ANO6: variants seen among roughly 807,000 people sequenced by gnomAD.
The protein encoded by ANO6 is anoctamin 6.
Under a neutral mutation model 117.5 loss-of-function variants are expected in ANO6, and 106 were observed. The ratio of observed to expected loss-of-function variants is 0.90; its 90% CI spans 0.77 to 1.06. The LOEUF is 1.06. Ranked by LOEUF, ANO6 falls within the 50% of genes least tolerant of loss-of-function variation. The pLI is 0.00. For missense variants in ANO6, 955 were observed against 1,121.1 expected (o/e 0.85, Z 2.12); for synonymous variants, 367 against 385.1 (o/e 0.95, Z 0.55).
At chr12:45,404,048 G>A (rs980462004) in intron 15 of ANO6, among the ~76,000 whole-genome samples, 8 of 151,976 alleles carry the variant, frequency 5.3e-5, no homozygotes, top group Non-Finnish European at 1.2e-4. Flanking sequence ...GTTTAAAGAG[G>A]TTAAATGATT....
At chr12:45,233,155 C>T (rs982003042) in intron 1 of ANO6, among the ~76,000 whole-genome samples, 1 of 152,086 alleles carries the variant, frequency 6.6e-6, no homozygotes, top group Non-Finnish European at 1.5e-5. Flanking sequence ...CAACCAAGCA[C>T]GTAGGGCATG....
chr12:45,271,318 T>C (rs999886355), intron 1 of ANO6, among the ~76,000 whole-genome samples: 1 of 152,224 alleles, frequency 6.6e-6, no homozygotes, highest in Admixed American at 6.5e-5. Flanking sequence ...TGCTATTTTA[T>C]AAATATACAT....
chr12:45,324,224 C>T (rs375263694), intron 2 of ANO6, among the ~76,000 whole-genome samples: 3 of 152,248 alleles, frequency 2.0e-5, no homozygotes, highest in Admixed American at 6.5e-5. Flanking sequence ...TGAGTCACCA[C>T]GCTTGGCCTG....
chr12:45,414,569 G>T (rs12812732), intron 16 of ANO6, among the ~76,000 whole-genome samples: 19,497 of 151,792 alleles, frequency 0.13, 1,764 homozygotes, highest in East Asian at 0.36. Flanking sequence ...ATTCACCCTG[G>T]TTAATTCATA....
At chr12:45,251,718 C>T (rs1307364255) in intron 1 of ANO6, among the ~76,000 whole-genome samples, 1 of 152,158 alleles carries the variant, frequency 6.6e-6, no homozygotes, top group Non-Finnish European at 1.5e-5. Context: ...GGGGGAGGGG[C>T]CGTAGCCTCC....
intron 1 of ANO6, among the ~76,000 whole-genome samples, chr12:45,268,328 C>T (rs1439019606): frequency 6.6e-6 from 1 of 152,126 alleles, no homozygotes; most frequent in African/African-American, 2.4e-5. Flanking sequence ...CAAGACCAGC[C>T]TGGCCAACAT....
chr12:45,259,611 C>T (rs1460003276), intron 1 of ANO6, among the ~76,000 whole-genome samples: 3 of 152,208 alleles, frequency 2.0e-5, no homozygotes, highest in Admixed American at 6.5e-5. Flanking sequence ...AATGGCTCTG[C>T]ACACGCTTTT....
At chr12:45,248,630 C>T (rs1282450035) in intron 1 of ANO6, among the ~76,000 whole-genome samples, 1 of 151,970 alleles carries the variant, frequency 6.6e-6, no homozygotes, top group Non-Finnish European at 1.5e-5. Context: ...GATGGGGTTT[C>T]ACCATGCTGG....
intron 1 of ANO6, among the ~76,000 whole-genome samples, chr12:45,298,288 C>T (rs2137296712): frequency 6.6e-6 from 1 of 152,278 alleles, no homozygotes; most frequent in East Asian, 1.9e-4. Context: ...ACTAAAAATA[C>T]ATTTCAACAT....
At chr12:45,278,502 G>T (rs996850283) in intron 1 of ANO6, among the ~76,000 whole-genome samples, 1 of 152,064 alleles carries the variant, frequency 6.6e-6, no homozygotes, top group African/African-American at 2.4e-5. Context: ...AACATTTCCT[G>T]AATTTTATCT....
intron 19 of ANO6, among the ~76,000 whole-genome samples, chr12:45,437,957 T>C (rs1943726585): frequency 6.6e-6 from 1 of 152,202 alleles, no homozygotes; most frequent in African/African-American, 2.4e-5. Context: ...TACATTTAAG[T>C]TGGCTAGTAA....
At chr12:45,254,323 C>G (rs982990568) in intron 1 of ANO6, among the ~76,000 whole-genome samples, 1 of 152,216 alleles carries the variant, frequency 6.6e-6, no homozygotes, top group Non-Finnish European at 1.5e-5. Flanking sequence ...TTGTCCATAC[C>G]TCCTGAAGGT....
chr12:45,414,995 T>A (rs948332149), intron 16 of ANO6, among the ~76,000 whole-genome samples: 6 of 152,110 alleles, frequency 3.9e-5, no homozygotes, highest in Admixed American at 3.9e-4. Context: ...TGGGCTCAAA[T>A]AATCCTCCCG....
intron 3 of ANO6, among the ~76,000 whole-genome samples, chr12:45,333,144 G>C (rs1226240934): frequency 6.6e-6 from 1 of 151,830 alleles, no homozygotes; most frequent in African/African-American, 2.4e-5. Context: ...TTATGGTTAA[G>C]ATTAAATAAA....
rs1947308181 is a variant in ANO6, at chr12:45,216,269, AC to A, written c.-50del. 3 of 1,564,780 alleles carry A rather than the reference AC, an allele frequency of 1.9e-6. No homozygotes were observed. The highest frequency in any genetic ancestry group is 2.6e-6 in the Non-Finnish European group (3 of 1,153,774). ...CCTGGGAGAGCCGCGCCGTTCTGGA[AC>A]CCGGGAGCCCCCAACTTCGCGCCAA... On this transcript the variant is annotated 5_prime_UTR_variant, in exon 1 of 20. Coordinates refer to ENST00000320560, the MANE Select transcript of ANO6 (RefSeq NM_001025356.3).
At chr12:45,352,026 T>C (rs1046130430) in intron 7 of ANO6, among the ~76,000 whole-genome samples, 1 of 152,024 alleles carries the variant, frequency 6.6e-6, no homozygotes, top group Admixed American at 6.6e-5. Flanking sequence ...GTTTATGGAT[T>C]GGATGTGGAG....
intron 1 of ANO6, among the ~76,000 whole-genome samples, chr12:45,228,540 C>A (rs1947524346): frequency 6.6e-6 from 1 of 152,054 alleles, no homozygotes. Context: ...GCTTTTATTA[C>A]AGTTCGAGTC....
intron 2 of ANO6, among the ~76,000 whole-genome samples, chr12:45,313,666 T>G (rs922491073): frequency 3.3e-4 from 50 of 152,026 alleles, no homozygotes; most frequent in Non-Finnish European, 4.9e-4. Flanking sequence ...TGATGACTTG[T>G]GTGCCTGAGA....
chr12:45,301,319 T>C (rs1455001693), intron 1 of ANO6, among the ~76,000 whole-genome samples: 1 of 152,072 alleles, frequency 6.6e-6, no homozygotes, highest in Non-Finnish European at 1.5e-5. Flanking sequence ...TAGCCAGGCA[T>C]GGTAGCTCAT....
Sources: gnomAD v4.1 joint callset for allele counts (sites outside exome capture counted in the v4.1 genomes callset) on GRCh38, gnomAD v4.1.1 for gene constraint, MANE v1.5 for transcripts, NCBI Gene and HGNC (gene_info 2026-07-23, HGNC 2026-07-21) for gene names.